The following GPHN variants were observed in gnomAD, a reference collection of about 807,000 sequenced individuals.
GPHN encodes the protein gephyrin.
Under a neutral mutation model 95.5 loss-of-function variants are expected in GPHN, and 17 were observed. That is an observed-to-expected ratio of 0.18 (90% CI 0.12 to 0.27). The LOEUF is 0.27. GPHN is among the 10% of genes least tolerant of loss of function. The pLI, the probability that GPHN is intolerant of heterozygous loss-of-function variation, is 1.00. For missense variants in GPHN, 660 were observed against 978.1 expected (o/e 0.67, Z 4.34); for synonymous variants, 320 against 322.5 (o/e 0.99, Z 0.08).
intron 21 of GPHN, 146 bp from the exon 22 acceptor site, chr14:67,179,432 G>T: frequency 7.7e-6 from 5 of 647,418 alleles, no homozygotes; most frequent in Non-Finnish European, 1.1e-5. Flanking sequence ...AAAAGAAAAA[G>T]AACATAAGGT....
At chr14:66,519,844 C>A (rs577739909) in intron 1 of GPHN, among the ~76,000 whole-genome samples, 89 of 152,166 alleles carry the variant, frequency 5.8e-4, no homozygotes, top group African/African-American at 2.0e-3. Context: ...TTCATTTAAT[C>A]CTCGTAATAA....
chr14:67,450,049 CA>C, the GPHN span: 1 of 153,848 alleles, frequency 6.5e-6, no homozygotes, highest in Non-Finnish European at 1.4e-5. Flanking sequence ...GCAACAAGAG[CA>C]AAAACTCTGT....
intron 11 of GPHN, among the ~76,000 whole-genome samples, chr14:67,088,265 T>TA (rs1307357457): frequency 1.3e-5 from 2 of 152,118 alleles, no homozygotes; most frequent in African/African-American, 4.8e-5. Flanking sequence ...GCAAAGGGAA[T>TA]AAAAAACATA....
intron 1 of GPHN, among the ~76,000 whole-genome samples, chr14:66,666,115 G>A (rs529300544): frequency 2.0e-5 from 3 of 150,368 alleles, no homozygotes; most frequent in Non-Finnish European, 3.0e-5. Flanking sequence ...GTAGGGGGAG[G>A]GGGGAGGGAT....
At chr14:67,716,433 G>A in the GPHN span, among the ~76,000 whole-genome samples, 50 of 152,300 alleles carry the variant, frequency 3.3e-4, no homozygotes, top group Non-Finnish European at 6.3e-4. Context: ...TTAAAAAAGT[G>A]AATATGGCAA....
chr14:67,512,301 A>G, the GPHN span, among the ~76,000 whole-genome samples: 1 of 152,154 alleles, frequency 6.6e-6, no homozygotes, highest in Non-Finnish European at 1.5e-5. Context: ...TTCAAATACA[A>G]AGCCTGATTT....
chr14:67,719,012 A>G, the GPHN span, among the ~76,000 whole-genome samples: 1 of 152,248 alleles, frequency 6.6e-6, no homozygotes, highest in Non-Finnish European at 1.5e-5. Context: ...TTTATCCAGT[A>G]AGATACACCA....
chr14:67,422,114 C>T, the GPHN span, among the ~76,000 whole-genome samples: 2 of 152,102 alleles, frequency 1.3e-5, no homozygotes, highest in African/African-American at 2.4e-5. Flanking sequence ...ACAAACTAAC[C>T]AATCCTTCAC....
At chr14:66,951,725 C>T (rs1265083377) in intron 8 of GPHN, among the ~76,000 whole-genome samples, 1 of 152,030 alleles carries the variant, frequency 6.6e-6, no homozygotes, top group Admixed American at 6.5e-5. Flanking sequence ...AATATTTAGA[C>T]CAATGGAACA....
chr14:67,561,701 C>G, the GPHN span, among the ~76,000 whole-genome samples: 1 of 151,616 alleles, frequency 6.6e-6, no homozygotes, highest in Non-Finnish European at 1.5e-5. Flanking sequence ...GAGCTTGTCT[C>G]TACAAAAAAA....
At chr14:66,526,385 A>G (rs908310385) in intron 1 of GPHN, among the ~76,000 whole-genome samples, 3 of 152,192 alleles carry the variant, frequency 2.0e-5, no homozygotes, top group Non-Finnish European at 2.9e-5. Flanking sequence ...TTTTGGGCTG[A>G]GACGATGGGG....
chr14:67,140,979 G>GT (rs5809331), intron 17 of GPHN, among the ~76,000 whole-genome samples: 126 of 148,924 alleles, frequency 8.5e-4, no homozygotes, highest in Non-Finnish European at 1.3e-3. Context: ...TTATGTCAGG[G>GT]TTTTTTTTTT....
intron 1 of GPHN, among the ~76,000 whole-genome samples, chr14:66,572,257 G>A (rs1038316306): frequency 6.6e-6 from 1 of 152,152 alleles, no homozygotes; most frequent in Non-Finnish European, 1.5e-5. Context: ...CGTTCCATGT[G>A]AATTTTAGGA....
chr14:67,313,912 T>C, the GPHN span, among the ~76,000 whole-genome samples: 6 of 151,774 alleles, frequency 4.0e-5, no homozygotes, highest in South Asian at 1.2e-3. Context: ...TAAATCCAGA[T>C]AATATATGTT....
At chr14:67,077,852 A>G (rs1048421886) in intron 11 of GPHN, among the ~76,000 whole-genome samples, 4 of 152,072 alleles carry the variant, frequency 2.6e-5, no homozygotes, top group African/African-American at 9.7e-5. Context: ...ACACAAAACA[A>G]TGTATCAGCC....
the GPHN span, chr14:67,684,892 C>A: frequency 1.4e-6 from 1 of 692,404 alleles, no homozygotes; most frequent in Non-Finnish European, 2.3e-6. Flanking sequence ...GGTAAAAACT[C>A]TAGAGTTAAA....
the GPHN span, among the ~76,000 whole-genome samples, chr14:67,390,509 G>A: frequency 6.6e-6 from 1 of 152,230 alleles, no homozygotes; most frequent in African/African-American, 2.4e-5. Context: ...GGGCAGAGCA[G>A]CTTGGACTGT....
the GPHN span, among the ~76,000 whole-genome samples, chr14:67,230,810 A>G: frequency 6.6e-6 from 1 of 152,236 alleles, no homozygotes; most frequent in Non-Finnish European, 1.5e-5. Flanking sequence ...GTCCTCCCTT[A>G]TCCACAGTTG....
chr14:66,538,656 A>AT (rs139318957), intron 1 of GPHN, among the ~76,000 whole-genome samples: 2,192 of 149,028 alleles, frequency 0.015, 55 homozygotes, highest in African/African-American at 0.051. Flanking sequence ...AATTTTATTC[A>AT]TTTTTTTTCC....
Sources: gnomAD v4.1 joint callset for allele counts (sites outside exome capture counted in the v4.1 genomes callset) on GRCh38, gnomAD v4.1.1 for gene constraint, MANE v1.5 for transcripts, NCBI Gene and HGNC (gene_info 2026-07-23, HGNC 2026-07-21) for gene names.